The following SSH2 variants were observed in gnomAD, a reference collection of about 807,000 sequenced individuals.
The protein encoded by SSH2 is slingshot protein phosphatase 2.
A neutral mutation model predicts 135.2 loss-of-function variants in SSH2; 37 were observed. The observed-to-expected ratio is 0.27, with a 90% CI of 0.21 to 0.36. SSH2 has a LOEUF of 0.36. Ranked by LOEUF, SSH2 falls within the 10% of genes least tolerant of loss-of-function variation. SSH2 has a pLI of 1.00. For synonymous variants in SSH2, 628 were observed against 646.2 expected, an observed-to-expected ratio of 0.97 and a Z score of 0.43; for missense variants, 1,408 against 1,765.3, an observed-to-expected ratio of 0.80 and a Z score of 3.63.
At chr17:29,738,407 C>T (rs981995261) in intron 3 of SSH2, among the ~76,000 whole-genome samples, 1 of 152,148 alleles carries the variant, frequency 6.6e-6, no homozygotes, top group Non-Finnish European at 1.5e-5. Context: ...TGTGTCTTTA[C>T]AGCAACATGA....
At chr17:29,896,761 A>G (rs1384554343) in intron 1 of SSH2, among the ~76,000 whole-genome samples, 1 of 151,666 alleles carries the variant, frequency 6.6e-6, no homozygotes, top group African/African-American at 2.4e-5. Context: ...CCTATTTAAT[A>G]TTACAAAATA....
chr17:29,904,308 C>G (rs565371113), intron 1 of SSH2, among the ~76,000 whole-genome samples: 7 of 152,324 alleles, frequency 4.6e-5, no homozygotes, highest in South Asian at 2.1e-4. Context: ...CCACCACGAT[C>G]AAGCTGGCCT....
intron 1 of SSH2, among the ~76,000 whole-genome samples, chr17:29,909,374 C>T (rs2066723739): frequency 1.3e-5 from 2 of 150,906 alleles, no homozygotes; most frequent in South Asian, 2.1e-4. Context: ...TCTATAACCA[C>T]GGTAAGATTA....
chr17:29,637,754 C>T (rs2035969509), intron 14 of SSH2, among the ~76,000 whole-genome samples: 1 of 151,546 alleles, frequency 6.6e-6, no homozygotes, highest in South Asian at 2.1e-4. Context: ...TGCACCCAGC[C>T]TGGGTGACTG....
chr17:29,733,615 A>G (rs908782327), intron 3 of SSH2, among the ~76,000 whole-genome samples: 7 of 152,104 alleles, frequency 4.6e-5, no homozygotes, highest in Non-Finnish European at 8.8e-5. Context: ...TTTCTTCTTC[A>G]TATTTAAACA....
chr17:29,808,496 C>G (rs116335470), intron 2 of SSH2, among the ~76,000 whole-genome samples: 3 of 152,212 alleles, frequency 2.0e-5, no homozygotes, highest in Admixed American at 1.3e-4. Flanking sequence ...GCTCAGCTGA[C>G]AGCCACATGT....
intron 14 of SSH2, 30 bp downstream of exon 14, chr17:29,648,114 A>T (rs773416717): frequency 8.1e-6 from 13 of 1,602,252 alleles, no homozygotes; most frequent in Non-Finnish European, 1.0e-5. Context: ...ACTTAAAAGG[A>T]GGGAGAATTG....
intron 11 of SSH2, among the ~76,000 whole-genome samples, chr17:29,665,969 G>A (rs2037253887): frequency 6.6e-6 from 1 of 152,174 alleles, no homozygotes; most frequent in Admixed American, 6.6e-5. Flanking sequence ...CAGTTATATA[G>A]TAGCTCCCAC....
chr17:29,829,836 G>T (rs1179842435), intron 2 of SSH2, among the ~76,000 whole-genome samples: 2 of 144,922 alleles, frequency 1.4e-5, no homozygotes, highest in African/African-American at 2.7e-5. Context: ...TAAAGATCAA[G>T]ATTTTTTTTT....
intron 5 of SSH2, among the ~76,000 whole-genome samples, chr17:29,690,998 T>G (rs2038449796): frequency 6.7e-6 from 1 of 148,998 alleles, no homozygotes; most frequent in African/African-American, 2.5e-5. Flanking sequence ...AAAAAAAGAG[T>G]GGAAGGATAC....
intron 14 of SSH2, chr17:29,642,957 G>C: frequency 4.6e-6 from 1 of 218,028 alleles, no homozygotes; most frequent in Non-Finnish European, 7.8e-6. Flanking sequence ...CGAATGCTAG[G>C]ATCAGGGCTC....
chr17:29,673,728 T>C (rs1047852927), intron 8 of SSH2, among the ~76,000 whole-genome samples: 10 of 152,136 alleles, frequency 6.6e-5, no homozygotes, highest in Admixed American at 6.5e-4. Context: ...TTTCCAGTCT[T>C]TTTGGCTATG....
At chr17:29,773,687 T>C (rs1416622844) in intron 3 of SSH2, among the ~76,000 whole-genome samples, 1 of 152,236 alleles carries the variant, frequency 6.6e-6, no homozygotes, top group African/African-American at 2.4e-5. Flanking sequence ...TTTTTATTTA[T>C]TTATTTTTAG....
chr17:29,753,968 C>T (rs918549224), intron 3 of SSH2, among the ~76,000 whole-genome samples: 2 of 152,058 alleles, frequency 1.3e-5, no homozygotes, highest in African/African-American at 2.4e-5. Flanking sequence ...ATTGTGAGTG[C>T]AGCACTACAG....
intron 2 of SSH2, among the ~76,000 whole-genome samples, chr17:29,808,799 G>A (rs2042393121): frequency 6.6e-6 from 1 of 152,138 alleles, no homozygotes; most frequent in African/African-American, 2.4e-5. Flanking sequence ...GGTGGAGTGG[G>A]GGTTGGTAGG....
intron 14 of SSH2, among the ~76,000 whole-genome samples, chr17:29,644,477 C>T (rs1227229714): frequency 6.6e-6 from 1 of 152,148 alleles, no homozygotes; most frequent in Admixed American, 6.5e-5. Context: ...CCCTTGATTC[C>T]ACTACAATGC....
chr17:29,786,289 T>C (rs1338549789), intron 3 of SSH2, among the ~76,000 whole-genome samples: 2 of 152,192 alleles, frequency 1.3e-5, no homozygotes, highest in African/African-American at 4.8e-5. Flanking sequence ...CCAGCCAGCC[T>C]GCATACTGAG....
At chr17:29,641,121 G>C (rs1176665484) in intron 14 of SSH2, among the ~76,000 whole-genome samples, 1 of 152,140 alleles carries the variant, frequency 6.6e-6, no homozygotes, top group Non-Finnish European at 1.5e-5. Flanking sequence ...TGTTGGACCA[G>C]GCTGGTCTCA....
chr17:29,716,116 T>C, intron 3 of SSH2, among the ~76,000 whole-genome samples: 1 of 152,138 alleles, frequency 6.6e-6, no homozygotes, highest in Non-Finnish European at 1.5e-5. Flanking sequence ...ATGTCCTTGG[T>C]CCCACTCCCT....
Sources: gnomAD v4.1 joint callset for allele counts (sites outside exome capture counted in the v4.1 genomes callset) on GRCh38, gnomAD v4.1.1 for gene constraint, MANE v1.5 for transcripts, NCBI Gene and HGNC (gene_info 2026-07-23, HGNC 2026-07-21) for gene names.